The following HSCB variants were observed in gnomAD, a reference collection of about 807,000 sequenced individuals.
HSCB encodes HscB mitochondrial iron-sulfur cluster cochaperone.
In HSCB, 23 loss-of-function variants were observed where a neutral mutation model predicts 31.3. The observed-to-expected ratio is 0.74, with a 90% confidence interval of 0.53 to 1.04. HSCB has a LOEUF of 1.04. Among genes scored for constraint, HSCB ranks in the 50% least tolerant of loss-of-function variants. HSCB has a pLI of 0.00. For synonymous variants in HSCB, 110 were observed against 104.5 expected (o/e 1.05, Z -0.32); for missense variants, 297 against 288.1 (o/e 1.03, Z -0.22).
chr22:28,755,333 CG>C (rs1176153651), intron 5 of HSCB, among the ~76,000 whole-genome samples: 1 of 151,692 alleles, frequency 6.6e-6, no homozygotes, highest in Non-Finnish European at 1.5e-5. Context: ...TGGCGTGAAC[CG>C]GGGAGGCAGA....
At chr22:28,750,168 G>A (rs2030114999) in intron 4 of HSCB, among the ~76,000 whole-genome samples, 3 of 138,668 alleles carry the variant, frequency 2.2e-5, no homozygotes, top group African/African-American at 8.1e-5. Flanking sequence ...AGAATTGCTT[G>A]AACTCAGGAG....
At position 28,757,378 on chromosome 22, in the gene HSCB, G is replaced by A. The variant is rs2030677896; in HGVS notation, c.*209G>A. The A allele has an allele frequency of 2.5e-6, 1 of 405,138 alleles. No homozygotes were observed. Among genetic ancestry groups the A allele is most frequent in the African/African-American group, 2.1e-5 (1 of 48,514 alleles). 25.1% of individuals were successfully genotyped at this position (405,138 alleles called of 1,614,324 possible). A position where few individuals can be genotyped will look rare whatever the true frequency, so the allele number is the denominator to read the frequency against. On this transcript the variant is annotated 3_prime_UTR_variant, in exon 6 of 6. Coordinates refer to ENST00000216027, the MANE Select transcript of HSCB (RefSeq NM_172002.5). ...CGCGTGCCTGTAATCCCAGCTACTT[G>A]GTAGGCCGAGGCAGGAGAATCGCTT...
chr22:28,751,349 C>A, intron 5 of HSCB, 61 bp downstream of exon 5: 1 of 979,586 alleles, frequency 1.0e-6, no homozygotes, highest in Non-Finnish European at 1.6e-6. Context: ...GAAGCATAGC[C>A]ATTCATTCAA....
intron 5 of HSCB, among the ~76,000 whole-genome samples, chr22:28,753,483 G>A (rs1046451367): frequency 4.7e-5 from 7 of 148,724 alleles, no homozygotes; most frequent in Middle Eastern, 3.8e-3. Flanking sequence ...AGCTGAGATC[G>A]CACCATTGCA....
At chr22:28,754,222 G>A (rs895209739) in intron 5 of HSCB, among the ~76,000 whole-genome samples, 6 of 152,114 alleles carry the variant, frequency 3.9e-5, no homozygotes, top group Admixed American at 3.3e-4. Flanking sequence ...AGTCACAAAA[G>A]GACAAATACT....
chr22:28,743,831 T>C lies in HSCB; in HGVS notation c.237-51T>C, dbSNP rs17883144. On this transcript the variant is annotated intron_variant, in intron 1 of 5. Coordinates refer to ENST00000216027, the MANE Select transcript of HSCB (RefSeq NM_172002.5). ...GAGCAAGAACCAGGCTCATGGTAGA[T>C]AAACCTTTAAATATTTGTTGTATAA... The C allele has an allele frequency of 3.8e-3, 5,642 of 1,478,062 alleles. 180 individuals are homozygous for C. The African/African-American group carries it at 0.07, about 18-fold the overall frequency. 91.6% of individuals were successfully genotyped at this position (1,478,062 alleles called of 1,614,324 possible).
chr22:28,747,951 C>T (rs1305986558), intron 4 of HSCB, among the ~76,000 whole-genome samples: 2 of 152,034 alleles, frequency 1.3e-5, no homozygotes, highest in Middle Eastern at 3.2e-3. Flanking sequence ...TTTGGGAGGC[C>T]GAGGCAGGCA....
At position 28,748,543 on chromosome 22, in the gene HSCB, T is replaced by C. The variant is rs576965553; in HGVS notation, c.568+2535T>C. Among the ~76,000 whole-genome samples the C allele has an allele frequency of 2.2e-3, 338 of 152,062 alleles. 2 individuals are homozygous for C. The highest frequency in any genetic ancestry group is 7.8e-3 in the African/African-American group (323 of 41,506). On this transcript the variant is annotated intron_variant, in intron 4 of 5. Coordinates refer to ENST00000216027, the MANE Select transcript of HSCB (RefSeq NM_172002.5). Reference sequence around the variant, plus strand: ...TTGTTTTGTTTTTGAGACAGAGTCTTGCTCTGTTGCCCAGGCTGGAGTGCA... The same window carrying C: ...TTGTTTTGTTTTTGAGACAGAGTCTCGCTCTGTTGCCCAGGCTGGAGTGCA...
At chr22:28,754,411 T>G (rs1469538359) in intron 5 of HSCB, among the ~76,000 whole-genome samples, 2 of 152,090 alleles carry the variant, frequency 1.3e-5, no homozygotes, top group Non-Finnish European at 2.9e-5. Context: ...GGCTCCCACC[T>G]GTAATCCCAG....
At chr22:28,745,596 A>G in intron 3 of HSCB, 1 of 253,946 alleles carries the variant, frequency 3.9e-6, no homozygotes. Flanking sequence ...ATTGAATAGA[A>G]TCTTTACAAA....
rs2030664602 is a variant in HSCB at position 28,757,174 on chromosome 22, G to A, written c.*5G>A. 2 of 1,414,034 alleles carry A rather than the reference G, an allele frequency of 1.4e-6. No homozygotes were observed. Among genetic ancestry groups the A allele is most frequent in the African/African-American group, 2.8e-5 (2 of 70,996 alleles). 87.6% of individuals were successfully genotyped at this position (1,414,034 alleles called of 1,614,324 possible). A position where few individuals can be genotyped will look rare whatever the true frequency, so the allele number is the denominator to read the frequency against. On this transcript the variant is annotated 3_prime_UTR_variant, in exon 6 of 6. Coordinates refer to ENST00000216027, the MANE Select transcript of HSCB (RefSeq NM_172002.5). ...TTAAAGAAGATTCCCCTTTAATTGT[G>A]GATAGTTTAAAGTTTAAAAAATAAA...
chr22:28,744,487 G>A, intron 2 of HSCB, 128 bp from the exon 3 acceptor site: 1 of 654,630 alleles, frequency 1.5e-6, no homozygotes, highest in Non-Finnish European at 2.8e-6. Context: ...GGGAGGTGGA[G>A]GTTGCAGTGA....
intron 4 of HSCB, among the ~76,000 whole-genome samples, chr22:28,747,037 C>G (rs1369392988): frequency 1.3e-5 from 2 of 152,032 alleles, no homozygotes; most frequent in Admixed American, 6.6e-5. Context: ...GTACTCCAGC[C>G]TGAGTGACAG....
intron 1 of HSCB, 70 bp downstream of exon 1, chr22:28,742,401 G>A (rs2054585285): frequency 1.3e-6 from 2 of 1,571,320 alleles, no homozygotes; most frequent in Admixed American, 1.8e-5. Flanking sequence ...CGAGAGGGGA[G>A]GACGGATCTG....
At chr22:28,742,439 G>T (rs1283675927) in intron 1 of HSCB, 108 bp downstream of exon 1, 25 of 1,490,452 alleles carry the variant, frequency 1.7e-5, no homozygotes, top group African/African-American at 5.6e-5. Context: ...CGGGACTGAT[G>T]GGGGGGCGGA....
intron 1 of HSCB, among the ~76,000 whole-genome samples, chr22:28,743,382 A>G (rs1004317170): frequency 1.3e-5 from 2 of 152,172 alleles, no homozygotes; most frequent in African/African-American, 4.8e-5. Context: ...TGGCAAGATT[A>G]TTTGCCAAAA....
chr22:28,752,487 C>T (rs2030322909), intron 5 of HSCB, among the ~76,000 whole-genome samples: 1 of 150,126 alleles, frequency 6.7e-6, no homozygotes, highest in African/African-American at 2.5e-5. Context: ...GTAACCCCAG[C>T]ACTTTGAGAG....
chr22:28,742,106 G>T lies in HSCB; in HGVS notation c.11G>T (p.Gly4Val). ...TAGGCCGCCGGCCAGATGTGGCGGG[G>T]GAGAGCCGGGGCTTTGCTCCGGGTG... The part of the protein sequence containing the change: MWR[G>V]RAGALLRVWG... The change falls in exon 1 of 6, where the codon GGG (glycine) becomes GTG (valine). Residue 4 changes from glycine (G) to valine (V), a missense_variant. Physicochemically the swap from Gly to Val is moderately radical, Grantham distance 109 (BLOSUM62 -3). Coordinates refer to ENST00000216027, the MANE Select transcript of HSCB (RefSeq NM_172002.5). 6.3e-7 allele frequency: 1 copy of T among 1,599,330 alleles called. No homozygotes were observed. The highest frequency in any genetic ancestry group is 1.1e-5 in the South Asian group (1 of 90,142).
intron 4 of HSCB, among the ~76,000 whole-genome samples, chr22:28,746,219 G>GA (rs1327816485): frequency 6.6e-6 from 1 of 151,134 alleles, no homozygotes; most frequent in South Asian, 2.1e-4. Context: ...TGTCTCTACT[G>GA]AAAATACAAA....
Sources: gnomAD v4.1 joint callset for allele counts (sites outside exome capture counted in the v4.1 genomes callset) on GRCh38, gnomAD v4.1.1 for gene constraint, MANE v1.5 for transcripts, NCBI Gene and HGNC (gene_info 2026-07-23, HGNC 2026-07-21) for gene names.